The following GPC6 variants were observed in gnomAD, a reference collection of about 807,000 sequenced individuals.
GPC6 encodes glypican 6.
In GPC6, 14 loss-of-function variants were observed where a neutral mutation model predicts 55.2. The ratio of observed to expected loss-of-function variants is 0.25; its 90% confidence interval spans 0.17 to 0.40. The LOEUF is 0.40. Ranked by LOEUF, GPC6 falls within the 10% of genes least tolerant of loss-of-function variation. The pLI is 1.00. For synonymous variants in GPC6, 278 were observed against 259.6 expected (o/e 1.07, Z -0.68); for missense variants, 641 against 708.5 (o/e 0.90, Z 1.08).
chr13:93,739,098 C>T (rs946651786), intron 2 of GPC6, among the ~76,000 whole-genome samples: 4 of 152,076 alleles, frequency 2.6e-5, no homozygotes, highest in Admixed American at 6.6e-5. Context: ...CCAGTATCTA[C>T]AAGAGTTCTT....
In GPC6 at chr13:94,082,424, C is replaced by T. The variant is rs552654642; in HGVS notation, c.877+54530C>T. 2.0e-5 allele frequency among the ~76,000 whole-genome samples: 3 copies of T among 152,272 alleles called. No individual in the cohort carries two copies. The South Asian group carries it at 6.2e-4, about 32-fold the overall frequency. On this transcript the variant is annotated intron_variant, in intron 4 of 8. Coordinates refer to ENST00000377047, the MANE Select transcript of GPC6 (RefSeq NM_005708.5). ...TTCTTTCCACTCTCCCAAACATTAA[C>T]ATTACAAGGTGGCCAGTTTCCTCGC... is the stretch of plus-strand genomic sequence containing the variant.
upstream of GPC6, among the ~76,000 whole-genome samples, chr13:93,226,404 A>G (rs1199906897): frequency 6.6e-6 from 1 of 152,210 alleles, no homozygotes; most frequent in Non-Finnish European, 1.5e-5. Flanking sequence ...GTGCCTTTAG[A>G]AAAAAACAAA....
At chr13:93,421,899 G>T (rs1336158169) in intron 1 of GPC6, among the ~76,000 whole-genome samples, 2 of 152,166 alleles carry the variant, frequency 1.3e-5, no homozygotes, top group Non-Finnish European at 1.5e-5. Flanking sequence ...CACAGTGGAT[G>T]ATTGATTCCC....
intron 1 of GPC6, among the ~76,000 whole-genome samples, chr13:93,461,523 T>C (rs1878687646): frequency 6.6e-6 from 1 of 152,160 alleles, no homozygotes; most frequent in Non-Finnish European, 1.5e-5. Flanking sequence ...ACTATATAAG[T>C]ATAGCACATA....
chr13:93,830,631 A>AAAAC, intron 3 of GPC6, 86 bp downstream of exon 3: 7 of 1,163,154 alleles, frequency 6.0e-6, no homozygotes, highest in Non-Finnish European at 8.4e-6. Context: ...AAAAAAAAAA[A>AAAAC]AAAAAAACCA....
intron 3 of GPC6, among the ~76,000 whole-genome samples, chr13:93,927,785 C>G (rs1246706113): frequency 1.3e-5 from 2 of 151,450 alleles, no homozygotes; most frequent in Non-Finnish European, 1.5e-5. Context: ...AAGAATTTAA[C>G]ACAATTCCTG....
At chr13:93,238,872 G>A (rs1258844434) in intron 1 of GPC6, among the ~76,000 whole-genome samples, 1 of 151,996 alleles carries the variant, frequency 6.6e-6, no homozygotes, top group Non-Finnish European at 1.5e-5. Context: ...TATTAATTCT[G>A]TTTATGTGGT....
chr13:93,852,348 G>C (rs2139013992), intron 3 of GPC6, among the ~76,000 whole-genome samples: 1 of 151,818 alleles, frequency 6.6e-6, no homozygotes, highest in Middle Eastern at 3.4e-3. Context: ...ATAAAGTTCA[G>C]CAGACACCAC....
chr13:93,486,045 A>G (rs1322476708), intron 1 of GPC6, among the ~76,000 whole-genome samples: 1 of 152,232 alleles, frequency 6.6e-6, no homozygotes, highest in African/African-American at 2.4e-5. Context: ...AGGCGGAGAA[A>G]ATAATAAGCC....
At chr13:93,330,113 G>A (rs1204743661) in intron 1 of GPC6, among the ~76,000 whole-genome samples, 2 of 152,130 alleles carry the variant, frequency 1.3e-5, no homozygotes, top group Non-Finnish European at 2.9e-5. Flanking sequence ...TTTGCATTTG[G>A]GATGAAGTAA....
At chr13:94,231,672 C>T (rs1368330974) in intron 4 of GPC6, among the ~76,000 whole-genome samples, 2 of 152,094 alleles carry the variant, frequency 1.3e-5, no homozygotes, top group African/African-American at 4.8e-5. Flanking sequence ...GCTTTCTTAT[C>T]ATTAAAATGC....
At chr13:94,045,075 A>C (rs1487279950) in intron 4 of GPC6, among the ~76,000 whole-genome samples, 2 of 151,862 alleles carry the variant, frequency 1.3e-5, no homozygotes, top group African/African-American at 2.4e-5. Context: ...ATATTTTTTA[A>C]TATTAGGGAA....
At chr13:93,784,741 G>T (rs1354362841) in intron 2 of GPC6, among the ~76,000 whole-genome samples, 1 of 152,110 alleles carries the variant, frequency 6.6e-6, no homozygotes, top group Admixed American at 6.6e-5. Flanking sequence ...GAACTTCCTT[G>T]TAAATTGAAA....
intron 4 of GPC6, among the ~76,000 whole-genome samples, chr13:94,037,182 C>CT (rs1883368306): frequency 6.6e-6 from 1 of 151,954 alleles, no homozygotes; most frequent in Non-Finnish European, 1.5e-5. Context: ...TTATAAAAGG[C>CT]TTCTGCACTA....
At chr13:93,558,528 T>G (rs1875596400) in intron 2 of GPC6, among the ~76,000 whole-genome samples, 3 of 152,112 alleles carry the variant, frequency 2.0e-5, no homozygotes, top group Admixed American at 6.6e-5. Flanking sequence ...GGCATGGAGA[T>G]GGGAAATTAC....
intron 2 of GPC6, among the ~76,000 whole-genome samples, chr13:93,698,902 C>G (rs1266580844): frequency 6.6e-6 from 1 of 151,924 alleles, no homozygotes; most frequent in Non-Finnish European, 1.5e-5. Context: ...CAGAACTACT[C>G]ACATATCGGA....
chr13:93,222,609 GTTTTA>G (rs1875652986), upstream of GPC6, among the ~76,000 whole-genome samples: 1 of 106,566 alleles, frequency 9.4e-6, no homozygotes, highest in Non-Finnish European at 2.4e-5. Context: ...ACTGCAATTT[GTTTTA>G]TGTTTGAAAA....
chr13:94,217,104 C>A (rs560681106), intron 4 of GPC6, among the ~76,000 whole-genome samples: 1 of 152,302 alleles, frequency 6.6e-6, no homozygotes, highest in African/African-American at 2.4e-5. Context: ...TCACCTTTTG[C>A]AAATTCAGAA....
chr13:93,678,759 C>T (rs1429283974), intron 2 of GPC6, among the ~76,000 whole-genome samples: 2 of 152,162 alleles, frequency 1.3e-5, no homozygotes, highest in African/African-American at 4.8e-5. Flanking sequence ...ATGACTCACA[C>T]ACCAGATTTA....
Sources: allele counts gnomAD v4.1 joint callset (sites outside exome capture counted in the v4.1 genomes callset), GRCh38; gene constraint gnomAD v4.1.1; transcripts MANE v1.5; gene names NCBI Gene and HGNC (gene_info 2026-07-23, HGNC 2026-07-21).